Variants in CADM2 observed in about 807,000 individuals in gnomAD.
CADM2 encodes cell adhesion molecule 2.
A neutral mutation model predicts 49.8 loss-of-function variants in CADM2; 12 were observed. That is an observed-to-expected ratio of 0.24 (90% CI 0.15 to 0.39). CADM2 has a LOEUF of 0.39. CADM2 is among the 10% of genes least tolerant of loss of function. The pLI is 1.00. For missense variants in CADM2, 378 were observed against 492.3 expected (o/e 0.77, Z 2.20); for synonymous variants, 214 against 175.4 (o/e 1.22, Z -1.74).
intron 1 of CADM2, among the ~76,000 whole-genome samples, chr3:85,541,789 A>ATATATATATATATATATATATATATG (rs1559897779): frequency 1.4e-5 from 2 of 141,484 alleles, no homozygotes; most frequent in African/African-American, 5.3e-5. Context: ...ATATATATAT[A>ATATATATATATATATATATATATATG]TATATGTATA....
In CADM2 at chr3:85,993,629, A is replaced by C. The variant is rs145342130; in HGVS notation, c.970+31982A>C. ...TTAAAAAATGTATCTCTTAAATAAC[A>C]AAATTTGAAAGTTAAAATTATTCCT... is the stretch of plus-strand genomic sequence containing the variant. On this transcript the variant is annotated intron_variant, in intron 8 of 9. Coordinates refer to ENST00000383699, the MANE Select transcript of CADM2 (RefSeq NM_001167675.2). 1.6e-4 allele frequency: 24 copies of C among 152,290 alleles called. 1 individual carries two copies. In the East Asian group the frequency reaches 4.4e-3, roughly 28 times the overall value. The allele number at this position is 152,290 out of a possible 1,614,324, so 9.4% of individuals were successfully genotyped here.
chr3:85,819,459 T>C (rs1353055707), intron 3 of CADM2, among the ~76,000 whole-genome samples: 2 of 152,186 alleles, frequency 1.3e-5, no homozygotes, highest in African/African-American at 2.4e-5. Context: ...TTTACTGGGC[T>C]TTGTGATATA....
At chr3:85,819,974 G>T (rs1389368626) in intron 3 of CADM2, among the ~76,000 whole-genome samples, 1 of 152,060 alleles carries the variant, frequency 6.6e-6, no homozygotes, top group Non-Finnish European at 1.5e-5. Flanking sequence ...TTAAATAAAT[G>T]TGAGAGAAAG....
intron 3 of CADM2, among the ~76,000 whole-genome samples, chr3:85,846,086 G>T (rs547638299): frequency 1.3e-5 from 2 of 152,108 alleles, no homozygotes; most frequent in Non-Finnish European, 2.9e-5. Flanking sequence ...GAGAAGTTCT[G>T]CAAAGCCCTT....
intron 1 of CADM2, among the ~76,000 whole-genome samples, chr3:85,049,327 G>GTTTATTTATTTA (rs141705505): frequency 0.092 from 13,444 of 146,128 alleles, 1,019 homozygotes; most frequent in African/African-American, 0.19. Flanking sequence ...TGCAGGTTTA[G>GTTTATTTATTTA]TTTATTTATT....
intron 1 of CADM2, among the ~76,000 whole-genome samples, chr3:85,534,631 A>G (rs1382461005): frequency 6.6e-6 from 1 of 152,150 alleles, no homozygotes; most frequent in Non-Finnish European, 1.5e-5. Flanking sequence ...AATCTAAAAT[A>G]TTTACTATCT....
intron 1 of CADM2, among the ~76,000 whole-genome samples, chr3:85,594,526 G>A (rs979354795): frequency 1.3e-5 from 2 of 151,816 alleles, no homozygotes; most frequent in African/African-American, 4.8e-5. Context: ...AAATATTTTA[G>A]AGAGTTAGAG....
chr3:85,174,620 T>C (rs1334760386), intron 1 of CADM2, among the ~76,000 whole-genome samples: 1 of 152,008 alleles, frequency 6.6e-6, no homozygotes, highest in Non-Finnish European at 1.5e-5. Context: ...GAAATTCAAC[T>C]AATATTATTT....
chr3:85,852,244 A>G (rs1347734394), intron 3 of CADM2, among the ~76,000 whole-genome samples: 1 of 152,118 alleles, frequency 6.6e-6, no homozygotes, highest in Non-Finnish European at 1.5e-5. Context: ...TACTGTGCCT[A>G]TAACTGCTCC....
At chr3:85,119,955 G>A (rs2038792265) in intron 1 of CADM2, among the ~76,000 whole-genome samples, 1 of 152,072 alleles carries the variant, frequency 6.6e-6, no homozygotes. Flanking sequence ...AGGACTAGCA[G>A]CCAGAATCTA....
At chr3:85,332,466 C>G (rs946658771) in intron 1 of CADM2, among the ~76,000 whole-genome samples, 1 of 151,968 alleles carries the variant, frequency 6.6e-6, no homozygotes, top group South Asian at 2.1e-4. Flanking sequence ...GGCACAGATT[C>G]CTTCCTGGGG....
intron 1 of CADM2, among the ~76,000 whole-genome samples, chr3:85,488,925 A>G (rs572109670): frequency 6.6e-6 from 1 of 152,270 alleles, no homozygotes; most frequent in South Asian, 2.1e-4. Context: ...AGAAAAAGGC[A>G]ATGGACCTTC....
intron 6 of CADM2, among the ~76,000 whole-genome samples, chr3:85,927,898 C>T (rs532926865): frequency 1.1e-4 from 16 of 152,180 alleles, no homozygotes; most frequent in South Asian, 2.1e-4. Context: ...TCTACAAAAT[C>T]TGGTGATGGA....
chr3:85,154,607 C>T (rs1369730020), intron 1 of CADM2, among the ~76,000 whole-genome samples: 5 of 151,308 alleles, frequency 3.3e-5, no homozygotes, highest in African/African-American at 1.2e-4. Flanking sequence ...AGATACTCCT[C>T]GAGAAGAGCA....
intron 1 of CADM2, among the ~76,000 whole-genome samples, chr3:85,003,121 A>C (rs1460570278): frequency 6.6e-6 from 1 of 152,134 alleles, no homozygotes; most frequent in Non-Finnish European, 1.5e-5. Flanking sequence ...CTCCATCCAC[A>C]CAAGGATGCG....
chr3:85,456,165 TAACA>T (rs1455990644), intron 1 of CADM2, among the ~76,000 whole-genome samples: 1 of 152,170 alleles, frequency 6.6e-6, no homozygotes, highest in Non-Finnish European at 1.5e-5. Flanking sequence ...AGCATTTTGA[TAACA>T]AAAAGTCAGA....
chr3:85,036,296 TAAAAAA>T (rs574897758), intron 1 of CADM2, among the ~76,000 whole-genome samples: 1 of 151,118 alleles, frequency 6.6e-6, no homozygotes, highest in Non-Finnish European at 1.5e-5. Flanking sequence ...GACATACATG[TAAAAAA>T]AAATCATTAT....
chr3:85,909,777 A>G (rs531728647), intron 5 of CADM2, among the ~76,000 whole-genome samples: 14 of 152,330 alleles, frequency 9.2e-5, no homozygotes, highest in South Asian at 6.2e-4. Flanking sequence ...AATAAACTAT[A>G]CAATGTAAAG....
intron 1 of CADM2, among the ~76,000 whole-genome samples, chr3:85,709,342 T>A (rs1322412946): frequency 6.6e-6 from 1 of 152,178 alleles, no homozygotes; most frequent in Non-Finnish European, 1.5e-5. Context: ...TCTATCTTTT[T>A]CTGTAAATGT....
Sources: gnomAD v4.1 joint callset for allele counts (sites outside exome capture counted in the v4.1 genomes callset) on GRCh38, gnomAD v4.1.1 for gene constraint, MANE v1.5 for transcripts, NCBI Gene and HGNC (gene_info 2026-07-23, HGNC 2026-07-21) for gene names.